Variants in TDRD1 observed in about 807,000 individuals in gnomAD.
The protein encoded by TDRD1 is tudor domain containing 1.
In TDRD1, 37 loss-of-function variants were observed where a neutral mutation model predicts 140.6. The ratio of observed to expected loss-of-function variants is 0.26; its 90% CI spans 0.20 to 0.35. TDRD1 has a LOEUF of 0.35. Among genes scored for constraint, TDRD1 ranks in the 10% least tolerant of loss-of-function variants. The pLI is 1.00. For synonymous variants in TDRD1, 506 were observed against 475.7 expected, an observed-to-expected ratio of 1.06 and a Z score of -0.83; for missense variants, 1,243 against 1,393.0, an observed-to-expected ratio of 0.89 and a Z score of 1.71.
At chr10:114,223,453 C>A (rs1439052354) in intron 21 of TDRD1, among the ~76,000 whole-genome samples, 1 of 152,228 alleles carries the variant, frequency 6.6e-6, no homozygotes, top group Admixed American at 6.5e-5. Flanking sequence ...TTCAAAACCC[C>A]CCATCTGGAT....
intron 22 of TDRD1, 99 bp from the exon 23 acceptor site, chr10:114,226,973 T>C (rs2036474155): frequency 3.0e-6 from 2 of 677,940 alleles, no homozygotes; most frequent in Admixed American, 2.9e-5. Flanking sequence ...TAAATCCAGC[T>C]GAAGTCCAGT....
exon 19 of TDRD1, chr10:114,220,652 G>A: frequency 1.9e-6 from 3 of 1,613,736 alleles, no homozygotes; most frequent in Non-Finnish European, 2.5e-6. Context: ...TTGCAAGCCA[G>A]AGTGGTTGAA....
intron 20 of TDRD1, among the ~76,000 whole-genome samples, chr10:114,222,368 C>T (rs1431760477): frequency 1.3e-5 from 2 of 152,154 alleles, no homozygotes; most frequent in African/African-American, 4.8e-5. Flanking sequence ...AGGCTTCCTC[C>T]CTGCCCACTC....
In TDRD1 at chr10:114,202,234, G is replaced by A. The variant is rs1403510382; in HGVS notation, c.636-4G>A. 6.3e-7 allele frequency: 1 copy of A among 1,599,054 alleles called. No individual in the cohort carries two copies. On this transcript the variant is annotated splice_region_variant and splice_polypyrimidine_tract_variant and intron_variant, in intron 5 of 25. Coordinates refer to ENST00000251864, the Ensembl canonical transcript of TDRD1. ...AAATATTGTAATCTGTTGCTTTATT[G>A]CAGTTTCCACAAACTTGAAAATAAA...
intron 6 of TDRD1, 139 bp downstream of exon 6, chr10:114,202,437 G>A: frequency 3.7e-6 from 2 of 545,776 alleles, no homozygotes; most frequent in Non-Finnish European, 6.2e-6. Context: ...GTACACCATA[G>A]TGATACAATC....
intron 11 of TDRD1, among the ~76,000 whole-genome samples, 183 bp downstream of exon 11, chr10:114,206,513 G>A (rs1375247958): frequency 6.6e-6 from 1 of 151,226 alleles, no homozygotes; most frequent in African/African-American, 2.4e-5. Context: ...TTTCCTGCCT[G>A]TTCTCCTCCT....
chr10:114,232,529 T>TTTTTTTA (rs2036812014), downstream of TDRD1, among the ~76,000 whole-genome samples: 1 of 133,810 alleles, frequency 7.5e-6, no homozygotes, highest in Admixed American at 7.5e-5. Context: ...TTTTTTTTTT[T>TTTTTTTA]GCTTTTACTG....
intron 21 of TDRD1, 58 bp from the exon 22 acceptor site, chr10:114,225,991 T>TC: frequency 6.9e-7 from 1 of 1,444,542 alleles, no homozygotes; most frequent in Non-Finnish European, 9.7e-7. Context: ...ATAGCCATCT[T>TC]AAAGTAGGAG....
At position 114,210,395 on chromosome 10, in the gene TDRD1, G is replaced by A. The variant is rs184052517; in HGVS notation, c.1385-186G>A. Among the ~76,000 whole-genome samples, 3 of 152,210 alleles carry A rather than the reference G, an allele frequency of 2.0e-5. No homozygotes were observed. The East Asian group carries it at 5.8e-4, about 29-fold the overall frequency. The stretch of plus-strand genomic sequence containing the variant: ...GACCAGTCTAGCTTTTGGTGACATC[G>A]AAAACTGAGCTTATTATAAACATTT... On this transcript the variant is annotated intron_variant, in intron 11 of 25. Transcript: ENST00000251864.
intron 1 of TDRD1, among the ~76,000 whole-genome samples, chr10:114,183,513 A>C (rs1182526505): frequency 6.6e-6 from 1 of 152,134 alleles, no homozygotes; most frequent in African/African-American, 2.4e-5. Flanking sequence ...TTTATAATGT[A>C]ATATGTTTCA....
exon 4 of TDRD1, chr10:114,199,252 C>G: frequency 6.2e-7 from 1 of 1,613,962 alleles, no homozygotes; most frequent in Non-Finnish European, 8.5e-7. Flanking sequence ...ATAAGTAATC[C>G]AGGGCTCTTC....
At chr10:114,180,770 G>A (rs1398450898) in intron 1 of TDRD1, among the ~76,000 whole-genome samples, 3 of 152,298 alleles carry the variant, frequency 2.0e-5, no homozygotes, top group Admixed American at 1.3e-4. Context: ...AGCCAAAACC[G>A]GAGTGTTTTC....
At chr10:114,196,604 T>G (rs1422351919) in intron 3 of TDRD1, among the ~76,000 whole-genome samples, 1 of 152,078 alleles carries the variant, frequency 6.6e-6, no homozygotes, top group Non-Finnish European at 1.5e-5. Context: ...CACCTTATGT[T>G]TGTTTTATAT....
chr10:114,217,582 A>G (rs1415721828), exon 17 of TDRD1: 3 of 1,604,438 alleles, frequency 1.9e-6, no homozygotes, highest in Non-Finnish European at 2.6e-6. Context: ...AGTCATTAGC[A>G]GAACACTGCC....
At chr10:114,206,095 C>T (rs2035080360) in intron 10 of TDRD1, 149 bp from the exon 11 acceptor site, 3 of 605,290 alleles carry the variant, frequency 5.0e-6, no homozygotes, top group Non-Finnish European at 8.7e-6. Flanking sequence ...CCATAGCTTA[C>T]CCATAGGAAC....
chr10:114,187,864 A>G (rs746442673), exon 2 of TDRD1: 3 of 1,601,706 alleles, frequency 1.9e-6, no homozygotes, highest in African/African-American at 2.7e-5. Flanking sequence ...ATGTGATGTC[A>G]AGAAATAATT....
At chr10:114,228,338 C>G in intron 25 of TDRD1, 1 of 1,317,028 alleles carries the variant, frequency 7.6e-7, no homozygotes, top group Non-Finnish European at 9.7e-7. Flanking sequence ...AACTGAACCC[C>G]CAGGGGTATT....
chr10:114,188,581 G>A (rs572875219), intron 2 of TDRD1, among the ~76,000 whole-genome samples: 2 of 152,176 alleles, frequency 1.3e-5, no homozygotes, highest in Non-Finnish European at 2.9e-5. Context: ...TCTCTTGGCT[G>A]GGTGAGGTGG....
At chr10:114,226,145 T>C in exon 22 of TDRD1, 1 of 1,614,094 alleles carries the variant, frequency 6.2e-7, no homozygotes, top group Non-Finnish European at 8.5e-7. Flanking sequence ...ACCCTGCCTC[T>C]TTGCAGAGTG....
Sources: gnomAD v4.1 joint callset for allele counts (sites outside exome capture counted in the v4.1 genomes callset) on GRCh38, gnomAD v4.1.1 for gene constraint, MANE v1.5 for transcripts, NCBI Gene and HGNC (gene_info 2026-07-23, HGNC 2026-07-21) for gene names.